IL1RAPL2: variants seen among roughly 807,000 people sequenced by gnomAD.
IL1RAPL2 encodes the protein X-linked interleukin-1 receptor accessory protein-like 2.
A neutral mutation model predicts 44.1 loss-of-function variants in IL1RAPL2; 3 were observed. The observed-to-expected ratio is 0.07, with a 90% CI of 0.03 to 0.18. IL1RAPL2 has a LOEUF of 0.18. IL1RAPL2 is among the 10% of genes least tolerant of loss of function. The pLI, the probability that IL1RAPL2 is intolerant of heterozygous loss-of-function variation, is 1.00. For missense variants in IL1RAPL2, 391 were observed against 496.4 expected, an observed-to-expected ratio of 0.79 and a Z score of 2.02; for synonymous variants, 181 against 178.8, an observed-to-expected ratio of 1.01 and a Z score of -0.10.
At chrX:105,014,058 T>A (rs146540572) in intron 2 of IL1RAPL2, among the ~76,000 whole-genome samples, 1,288 of 112,063 alleles carry the variant, frequency 0.011, 16 homozygotes, top group African/African-American at 0.04. Flanking sequence ...TGATTCTTTT[T>A]TATATCATGA....
At chrX:105,219,003 G>A (rs781785246) in intron 3 of IL1RAPL2, 25 of 1,210,548 alleles carry the variant, frequency 2.1e-5, no homozygotes, top group Non-Finnish European at 2.7e-5. Flanking sequence ...TCCCACAGTC[G>A]AAGCAAGTAT....
At chrX:104,884,836 C>T (rs1188165424) in intron 2 of IL1RAPL2, among the ~76,000 whole-genome samples, 1 of 111,136 alleles carries the variant, frequency 9.0e-6, no homozygotes, top group Non-Finnish European at 1.9e-5. Context: ...CCCTATAGCT[C>T]CCCTTCCTAT....
At chrX:104,819,443 G>A (rs1258808771) in intron 2 of IL1RAPL2, among the ~76,000 whole-genome samples, 3 of 111,923 alleles carry the variant, frequency 2.7e-5, no homozygotes, top group African/African-American at 6.5e-5. Context: ...GAAACTGTCC[G>A]GAAAAGCATT....
intron 5 of IL1RAPL2, among the ~76,000 whole-genome samples, chrX:105,474,689 C>A (rs1487204224): frequency 8.9e-6 from 1 of 111,968 alleles, no homozygotes; most frequent in Non-Finnish European, 1.9e-5. Context: ...TCATCCCATT[C>A]TTTGACCTGT....
intron 6 of IL1RAPL2, among the ~76,000 whole-genome samples, chrX:105,679,015 G>A (rs1033559514): frequency 9.2e-6 from 1 of 108,367 alleles, no homozygotes; most frequent in East Asian, 2.9e-4. Flanking sequence ...ATGGCTTGCA[G>A]AAAAGTTTCT....
chrX:105,361,537 G>T, intron 5 of IL1RAPL2, among the ~76,000 whole-genome samples: 1 of 111,412 alleles, frequency 9.0e-6, no homozygotes, highest in Non-Finnish European at 1.9e-5. Flanking sequence ...ATAAGATAAG[G>T]TCAAGTTTGG....
chrX:104,916,490 G>A (rs1305199488), intron 2 of IL1RAPL2, among the ~76,000 whole-genome samples: 3 of 111,413 alleles, frequency 2.7e-5, no homozygotes, highest in African/African-American at 9.8e-5. Context: ...GGGTTTTCTA[G>A]ATATACAATC....
chrX:105,385,587 A>G (rs1248153054), intron 5 of IL1RAPL2, among the ~76,000 whole-genome samples: 1 of 111,560 alleles, frequency 9.0e-6, no homozygotes, highest in Non-Finnish European at 1.9e-5. Context: ...AACAGAAAAA[A>G]GGCTATGAAT....
intron 2 of IL1RAPL2, among the ~76,000 whole-genome samples, chrX:105,067,243 C>T (rs144678128): frequency 0.067 from 7,372 of 110,357 alleles, 676 homozygotes; most frequent in African/African-American, 0.23. Flanking sequence ...CACACGTGTG[C>T]GCGCACATAC....
chrX:104,861,839 A>G (rs1341108972), intron 2 of IL1RAPL2, among the ~76,000 whole-genome samples: 1 of 111,760 alleles, frequency 8.9e-6, no homozygotes, highest in African/African-American at 3.2e-5. Flanking sequence ...AAATTGTTGT[A>G]TTGTTATTTT....
At chrX:105,440,789 T>A (rs2147755298) in intron 5 of IL1RAPL2, among the ~76,000 whole-genome samples, 1 of 112,152 alleles carries the variant, frequency 8.9e-6, no homozygotes, top group South Asian at 3.7e-4. Flanking sequence ...AATTCCCACA[T>A]GTCAAGGGTG....
In IL1RAPL2 at chrX:105,233,985, C is replaced by T; in HGVS notation, c.524C>T (p.Pro175Leu). The T allele has an allele frequency of 8.3e-7, 1 of 1,208,018 alleles. No individual in the cohort carries two copies. The highest frequency in any genetic ancestry group is 1.1e-6 in the Non-Finnish European group (1 of 893,709). ...GACTTTAAAAAGTCCGATCAGGAGC[C>T]TGATGTTGTGTGGTATAAGGTAACT... ...MDDFKKSDQE[P>L]DVVWYKECKP... The change falls in exon 4 of 11, where the codon CCT becomes CTT. Residue 175 changes from proline (P) to leucine (L), a missense_variant. Pro to Leu is a moderately conservative substitution (Grantham distance 98). Transcript: ENST00000372582.
chrX:105,624,114 C>G (rs1198901276), intron 6 of IL1RAPL2, among the ~76,000 whole-genome samples: 1 of 111,074 alleles, frequency 9.0e-6, no homozygotes, highest in Admixed American at 9.6e-5. Flanking sequence ...AGAAGAAGAA[C>G]TTTACCTGGT....
chrX:105,296,690 C>T (rs1427171063), intron 5 of IL1RAPL2, among the ~76,000 whole-genome samples: 1 of 112,333 alleles, frequency 8.9e-6, no homozygotes, highest in African/African-American at 3.2e-5. Context: ...GAGCACTGGG[C>T]TAGGAATCAG....
intron 2 of IL1RAPL2, among the ~76,000 whole-genome samples, chrX:104,661,782 C>A (rs1371589020): frequency 3.6e-5 from 4 of 111,682 alleles, no homozygotes; most frequent in Non-Finnish European, 7.5e-5. Flanking sequence ...CAAAGAGATC[C>A]AGGTTTAAGC....
chrX:105,665,728 TTTTTTG>T (rs1283185886), intron 6 of IL1RAPL2, among the ~76,000 whole-genome samples: 2 of 78,363 alleles, frequency 2.6e-5, no homozygotes, highest in Non-Finnish European at 5.1e-5. Flanking sequence ...TTATTTTTGT[TTTTTTG>T]TTTTTTTGTT....
chrX:104,879,867 A>G (rs1304691663), intron 2 of IL1RAPL2, among the ~76,000 whole-genome samples: 1 of 111,254 alleles, frequency 9.0e-6, no homozygotes, highest in Non-Finnish European at 1.9e-5. Flanking sequence ...ACTTACAGTG[A>G]GAAGTACTCT....
chrX:105,599,412 C>G (rs757017396), intron 6 of IL1RAPL2, among the ~76,000 whole-genome samples: 1 of 110,911 alleles, frequency 9.0e-6, no homozygotes, highest in African/African-American at 3.3e-5. Context: ...AGTTTGAAAC[C>G]TGGCTCTATT....
At chrX:104,730,265 C>T (rs1329775177) in intron 2 of IL1RAPL2, among the ~76,000 whole-genome samples, 1 of 108,192 alleles carries the variant, frequency 9.2e-6, no homozygotes, top group Non-Finnish European at 1.9e-5. Flanking sequence ...GGTACATGTG[C>T]ACAATGTGCA....
Sources: allele counts gnomAD v4.1 joint callset (sites outside exome capture counted in the v4.1 genomes callset), GRCh38; gene constraint gnomAD v4.1.1; transcripts MANE v1.5; gene names NCBI Gene and HGNC (gene_info 2026-07-23, HGNC 2026-07-21).